NPIPB11: variants seen among roughly 807,000 people sequenced by gnomAD.
NPIPB11 encodes nuclear pore complex-interacting protein family member B11.
A neutral mutation model predicts 32.8 loss-of-function variants in NPIPB11; 17 were observed. The observed-to-expected ratio is 0.52, with a 90% CI of 0.35 to 0.78. NPIPB11 has a LOEUF of 0.78. NPIPB11 is among the 30% of genes least tolerant of loss of function. NPIPB11 has a pLI of 0.01. For synonymous variants in NPIPB11, 209 were observed against 398.4 expected (o/e 0.52, Z 5.66); for missense variants, 537 against 1,000.4 (o/e 0.54, Z 6.25).
chr16:29,383,194 T>A lies in NPIPB11; in HGVS notation c.1738A>T (p.Ile580Phe), dbSNP rs574965324. 3 of 1,566,358 alleles carry A rather than the reference T, an allele frequency of 1.9e-6. No individual in the cohort carries two copies. The African/African-American group carries it at 4.2e-5, about 22-fold the overall frequency. ...TGCAGATGCTCGGCAGGTGTCTTGA[T>A]ATTATCATCTGCTGAGGGTGGAGCT... Residue 580 changes from isoleucine to phenylalanine, a missense_variant, in exon 8 of 8, where the codon ATC (isoleucine) becomes TTC (phenylalanine). Physicochemically the swap from Ile to Phe is conservative, Grantham distance 21 (BLOSUM62 0). Coordinates refer to ENST00000524087, the Ensembl canonical transcript of NPIPB11.
At chr16:29,393,668 G>A (rs867304508) in intron 3 of NPIPB11, among the ~76,000 whole-genome samples, 11 of 151,568 alleles carry the variant, frequency 7.3e-5, no homozygotes, top group African/African-American at 2.2e-4. Context: ...TTTAAGTGAC[G>A]AAACCTCATA....
chr16:29,391,591 G>T (rs1963724118), intron 3 of NPIPB11, among the ~76,000 whole-genome samples: 1 of 151,264 alleles, frequency 6.6e-6, no homozygotes, highest in Non-Finnish European at 1.5e-5. Context: ...TTCCCACCAA[G>T]ATTTCCATAT....
At chr16:29,389,835 G>C in intron 5 of NPIPB11, 106 bp downstream of exon 5, 8 of 1,559,080 alleles carry the variant, frequency 5.1e-6, no homozygotes, top group Non-Finnish European at 6.9e-6. Context: ...TGAACCTACT[G>C]AATTTGCCAC....
intron 2 of NPIPB11, among the ~76,000 whole-genome samples, chr16:29,401,259 G>A (rs968741840): frequency 6.6e-6 from 1 of 152,060 alleles, no homozygotes; most frequent in Non-Finnish European, 1.5e-5. Flanking sequence ...GAACTAAAAT[G>A]TTGGAATTTT....
At chr16:29,393,899 T>A in intron 3 of NPIPB11, 49 bp downstream of exon 3, 2 of 1,428,834 alleles carry the variant, frequency 1.4e-6, no homozygotes, top group African/African-American at 2.9e-5. Context: ...TATAATTTAT[T>A]CTTATTTGTG....
chr16:29,397,265 G>C (rs1165475828), intron 2 of NPIPB11, among the ~76,000 whole-genome samples: 1 of 151,716 alleles, frequency 6.6e-6, no homozygotes, highest in Non-Finnish European at 1.5e-5. Context: ...AGAGTGCAGC[G>C]GGGCCATCTC....
At chr16:29,394,012 T>G in exon 3 of NPIPB11, 1 of 1,599,508 alleles carries the variant, frequency 6.3e-7, no homozygotes, top group Non-Finnish European at 8.5e-7. Flanking sequence ...AATAATAATA[T>G]GTAACCAAGG....
chr16:29,397,276 G>A (rs543859972), intron 2 of NPIPB11, among the ~76,000 whole-genome samples: 66 of 151,698 alleles, frequency 4.4e-4, no homozygotes, highest in South Asian at 4.0e-3. Context: ...GGGCCATCTC[G>A]GCTCACTGCA....
At chr16:29,390,648 T>TCACAAACA (rs1198966072) in intron 3 of NPIPB11, among the ~76,000 whole-genome samples, 1 of 93,516 alleles carries the variant, frequency 1.1e-5, no homozygotes, top group East Asian at 2.5e-4. Flanking sequence ...TGAGACTCTG[T>TCACAAACA]CACATACACA....
chr16:29,402,015 T>G lies in NPIPB11; in HGVS notation c.120+1668A>C, dbSNP rs371140312. Among the ~76,000 whole-genome samples, 376 of 150,878 alleles carry G rather than the reference T, an allele frequency of 2.5e-3. 1 individual carries two copies. The East Asian group carries it at 0.033, about 13-fold the overall frequency. On this transcript the variant is annotated intron_variant, in intron 2 of 7. Transcript: ENST00000524087. ...TGCAGACTAGCCTGCCGTCAGAACATGAACTGGTGGTCAGACACACGTAGG... is the reference window on the plus strand; with the variant it reads ...TGCAGACTAGCCTGCCGTCAGAACAGGAACTGGTGGTCAGACACACGTAGG...
exon 8 of NPIPB11, chr16:29,382,991 G>C (rs542522422): frequency 8.1e-6 from 13 of 1,601,948 alleles, no homozygotes; most frequent in Admixed American, 3.4e-5. Flanking sequence ...GGAGTGAGCT[G>C]ACGCTCGGAA....
At chr16:29,390,407 A>C in intron 3 of NPIPB11, 59 bp from the exon 4 acceptor site, 1 of 1,594,818 alleles carries the variant, frequency 6.3e-7, no homozygotes, top group Non-Finnish European at 8.5e-7. Flanking sequence ...GTATAATCCC[A>C]GTACTTCGGG....
At chr16:29,405,706 ACAGT>A (rs1162861391), upstream of NPIPB11, among the ~76,000 whole-genome samples, 1 of 152,158 alleles carries the variant, frequency 6.6e-6, no homozygotes, top group Non-Finnish European at 1.5e-5. Flanking sequence ...TAATTTTAAC[ACAGT>A]CAATGAAATT....
At chr16:29,390,601 G>A (rs1222095028) in intron 3 of NPIPB11, among the ~76,000 whole-genome samples, 3 of 149,374 alleles carry the variant, frequency 2.0e-5, no homozygotes, top group South Asian at 2.1e-4. Context: ...GCAGTGAGCC[G>A]AGATCACACC....
intron 2 of NPIPB11, among the ~76,000 whole-genome samples, chr16:29,397,347 C>G (rs994193546): frequency 4.6e-5 from 7 of 151,532 alleles, no homozygotes; most frequent in Admixed American, 3.3e-4. Context: ...ACTGGGATAA[C>G]AGGTACGCAC....
At chr16:29,399,244 C>A (rs1312238019) in intron 2 of NPIPB11, among the ~76,000 whole-genome samples, 1 of 152,220 alleles carries the variant, frequency 6.6e-6, no homozygotes, top group East Asian at 1.9e-4. Flanking sequence ...TGTGCCCAAA[C>A]TCACTCAGGC....
intron 2 of NPIPB11, among the ~76,000 whole-genome samples, chr16:29,402,471 A>G (rs187279): frequency 0.11 from 10,855 of 100,114 alleles, 765 homozygotes; most frequent in East Asian, 0.26. Flanking sequence ...TTGGGAGGCC[A>G]CGGTGGGCAG....
chr16:29,392,199 C>A (rs1963739189), intron 3 of NPIPB11, among the ~76,000 whole-genome samples: 1 of 152,114 alleles, frequency 6.6e-6, no homozygotes, highest in African/African-American at 2.4e-5. Flanking sequence ...GTAGCTGGCC[C>A]AGTTTGGAGC....
At chr16:29,390,420 G>C in intron 3 of NPIPB11, 72 bp from the exon 4 acceptor site, 3 of 1,595,044 alleles carry the variant, frequency 1.9e-6, no homozygotes, top group Non-Finnish European at 2.5e-6. Context: ...ACTTCGGGAA[G>C]CTGAGGCAGG....
Sources: gnomAD v4.1 joint callset for allele counts (sites outside exome capture counted in the v4.1 genomes callset) on GRCh38, gnomAD v4.1.1 for gene constraint, MANE v1.5 for transcripts, NCBI Gene and HGNC (gene_info 2026-07-23, HGNC 2026-07-21) for gene names.